Variants in PLXNA1 observed in about 807,000 individuals in gnomAD.
PLXNA1 encodes the protein plexin-A1.
PLXNA1 carries 77 observed loss-of-function variants against 191.7 expected under a neutral mutation model. The ratio of observed to expected loss-of-function variants is 0.40; its 90% CI spans 0.33 to 0.49. The LOEUF (loss-of-function observed/expected upper bound fraction) is 0.49. Ranked by LOEUF, PLXNA1 falls within the 20% of genes least tolerant of loss-of-function variation. The pLI is 0.63. For synonymous variants in PLXNA1, 1,137 were observed against 1,156.4 expected, an observed-to-expected ratio of 0.98 and a Z score of 0.34; for missense variants, 2,110 against 2,660.2, an observed-to-expected ratio of 0.79 and a Z score of 4.55.
Position 126,989,532 on chromosome 3 carries a change from G to A in PLXNA1, c.939G>A (p.Gln313=), listed in dbSNP as rs6809502. 7,172 of 1,613,348 alleles carry A rather than the reference G, an allele frequency of 4.4e-3. 275 individuals are homozygous for A. The African/African-American group carries it at 0.079, about 18-fold the overall frequency. Residue 313 remains glutamine (Q), a synonymous_variant, in exon 2 of 32, where the codon CAG becomes CAA. Transcript: ENST00000393409. ...EQAGVEYRLV[Q]DAYLSRPGRA... ...CGGGTGTGGAGTACCGCCTGGTGCA[G>A]GATGCCTACCTGAGCCGGCCCGGCC...
intron 29 of PLXNA1, among the ~76,000 whole-genome samples, chr3:127,030,825 C>G (rs977115296): frequency 1.3e-5 from 2 of 152,158 alleles, no homozygotes; most frequent in African/African-American, 4.8e-5. Context: ...TTTACAGCCT[C>G]CCCATTGCAG....
rs769462663 is a variant in PLXNA1 at position 127,022,347 on chromosome 3, C to T, written c.4295+6C>T. 3 of 1,605,390 alleles carry T rather than the reference C, an allele frequency of 1.9e-6. No individual in the cohort carries two copies. Among genetic ancestry groups the T allele is most frequent in the Admixed American group, 3.3e-5 (2 of 59,896 alleles). ...CCCAAGCTGCTACTGCGCCGGTGAG[C>T]CTGGGGGGCACTGGGGTTGGGGGAG... On this transcript the variant is annotated splice_donor_region_variant and intron_variant, in intron 22 of 31. Coordinates refer to ENST00000393409, the MANE Select transcript of PLXNA1 (RefSeq NM_032242.4).
intron 22 of PLXNA1, 70 bp downstream of exon 22, chr3:127,022,411 C>G: frequency 1.9e-6 from 3 of 1,557,758 alleles, no homozygotes; most frequent in Non-Finnish European, 2.6e-6. Context: ...GTTGGTCTAG[C>G]AGGCCCAGAG....
chr3:126,997,363 C>A (rs1384661809), intron 3 of PLXNA1, among the ~76,000 whole-genome samples: 9 of 152,186 alleles, frequency 5.9e-5, no homozygotes, highest in African/African-American at 1.7e-4. Context: ...GACTTGGTGG[C>A]GGCCTGTGGC....
intron 3 of PLXNA1, among the ~76,000 whole-genome samples, chr3:126,995,186 TGCC>T (rs1221963739): frequency 2.6e-5 from 4 of 151,822 alleles, no homozygotes; most frequent in Admixed American, 6.6e-5. Context: ...TGACTGGGGG[TGCC>T]CCTGTCCCCC....
At position 127,018,343 on chromosome 3, in the gene PLXNA1, C is replaced by T. The variant is rs759113558; in HGVS notation, c.3710C>T (p.Ser1237Leu). ...EFSPGTLQVY[S>L]DSLLTLPAIV... ...TCGCCAGGGACACTGCAGGTGTACT[C>T]GGACAGCCTGCTGACGCTGCCTGCC... is the stretch of plus-strand genomic sequence containing the variant. The change falls in exon 20 of 32, where the codon TCG (serine) becomes TTG (leucine). Residue 1237 changes from serine (S) to leucine (L), a missense_variant. Ser to Leu is a moderately radical substitution (Grantham distance 145). Transcript: ENST00000393409. 25 of 1,612,536 alleles carry T rather than the reference C, an allele frequency of 1.6e-5. No homozygotes were observed. Among genetic ancestry groups the T allele is most frequent in the South Asian group, 5.5e-5 (5 of 91,018 alleles).
chr3:126,992,570 G>C lies in PLXNA1; in HGVS notation c.1377+1004G>C, dbSNP rs565949290. On this transcript the variant is annotated intron_variant, in intron 3 of 31. Transcript: ENST00000393409. The stretch of plus-strand genomic sequence containing the variant: ...CCTGGCTCTGTGATCTCTGGGAGGG[G>C]ATCCCCTGCAGCCTCAGCTTCCCTC... Among the ~76,000 whole-genome samples, 4 of 152,104 alleles carry C rather than the reference G, an allele frequency of 2.6e-5. No homozygotes were observed. In the East Asian group the frequency reaches 7.8e-4, roughly 30 times the overall value.
At chr3:127,005,571 C>T (rs976387659) in intron 7 of PLXNA1, among the ~76,000 whole-genome samples, 11 of 152,332 alleles carry the variant, frequency 7.2e-5, no homozygotes, top group Admixed American at 6.5e-4. Flanking sequence ...ATAATTATTG[C>T]CATCCCTACT....
intron 20 of PLXNA1, 135 bp downstream of exon 20, chr3:127,018,663 GC>G: frequency 2.7e-6 from 2 of 736,404 alleles, no homozygotes; most frequent in Non-Finnish European, 2.2e-6. Context: ...GCCTTGCTGT[GC>G]CAGAGCTGGT....
chr3:127,028,161 T>G lies in PLXNA1; in HGVS notation c.4510-20T>G. The G allele has an allele frequency of 6.2e-7, 1 of 1,611,586 alleles. No homozygotes were observed. The highest frequency in any genetic ancestry group is 8.5e-7 in the Non-Finnish European group (1 of 1,178,600). On this transcript the variant is annotated intron_variant, in intron 24 of 31. Transcript: ENST00000393409. ...CAGTTGTGGGGCTGACGCTGCCCCC[T>G]TGCTCCACCCCGCCCGCAGACCCTG...
At chr3:127,007,670 A>G in intron 8 of PLXNA1, 129 bp from the exon 9 acceptor site, 1 of 596,974 alleles carries the variant, frequency 1.7e-6, no homozygotes, top group South Asian at 2.2e-5. Flanking sequence ...CCAGGCCAGG[A>G]GCAGTCAGTG....
Position 126,988,640 on chromosome 3 carries a change from T to C in PLXNA1, c.47T>C (p.Leu16Pro), listed in dbSNP as rs1298726977. The change falls in exon 2 of 32, where the codon CTG (leucine) becomes CCG (proline). Residue 16 changes from leucine to proline, a missense_variant. Transcript: ENST00000393409. The part of the protein sequence containing the change: ...RSLQVLLLLL[L>P]LLLLLPGMWA... ...CTGCAGGTGCTCCTGCTGCTGCTGC[T>C]GTTGCTGCTGCTGCTGCCGGGCATG... is the stretch of plus-strand genomic sequence containing the variant. The C allele has an allele frequency of 6.3e-7, 1 of 1,576,722 alleles. No homozygotes were observed. The highest frequency in any genetic ancestry group is 2.2e-5 in the East Asian group (1 of 44,522).
chr3:126,996,553 G>A (rs561231969), intron 3 of PLXNA1, among the ~76,000 whole-genome samples: 3 of 152,292 alleles, frequency 2.0e-5, no homozygotes, highest in East Asian at 1.9e-4. Context: ...TCTGTGCCAG[G>A]GATGTGGTAG....
intron 9 of PLXNA1, among the ~76,000 whole-genome samples, chr3:127,009,550 T>TCC (rs145969147): frequency 3.6e-4 from 50 of 139,646 alleles, no homozygotes; most frequent in Non-Finnish European, 5.4e-4. Context: ...CCAGTGGCAG[T>TCC]CCCCCCCCAA....
rs1456454906 is a variant in PLXNA1, at chr3:127,022,022, T to G, written c.4039-63T>G. 42 of 1,568,552 alleles carry G rather than the reference T, an allele frequency of 2.7e-5. No homozygotes were observed. The South Asian group carries it at 4.8e-4, about 18-fold the overall frequency. ...CAGCCAGGCCTGGACAGCCCCTCACTGGTCAGCTTGGGGGCTGGGGCTGGG... is the reference window on the plus strand; with the variant it reads ...CAGCCAGGCCTGGACAGCCCCTCACGGGTCAGCTTGGGGGCTGGGGCTGGG... On this transcript the variant is annotated intron_variant, in intron 21 of 31. Transcript: ENST00000393409.
intron 10 of PLXNA1, 38 bp from the exon 11 acceptor site, chr3:127,013,982 G>C (rs762596279): frequency 6.3e-7 from 1 of 1,590,272 alleles, no homozygotes; most frequent in East Asian, 2.2e-5. Context: ...CCTGGAGGCC[G>C]CTTAGCTGGG....
intron 2 of PLXNA1, among the ~76,000 whole-genome samples, chr3:126,990,334 G>A (rs1015558378): frequency 1.3e-5 from 2 of 152,238 alleles, no homozygotes; most frequent in African/African-American, 2.4e-5. Flanking sequence ...GGAGCTGATG[G>A]TGTCCTGGTG....
intron 9 of PLXNA1, among the ~76,000 whole-genome samples, chr3:127,008,870 C>A (rs2079081376): frequency 6.6e-6 from 1 of 152,182 alleles, no homozygotes; most frequent in Non-Finnish European, 1.5e-5. Context: ...GACATCAGGG[C>A]ACAGGACAGC....
intron 31 of PLXNA1, 125 bp downstream of exon 31, chr3:127,032,961 C>A: frequency 1.0e-6 from 1 of 993,158 alleles, no homozygotes; most frequent in Non-Finnish European, 1.5e-6. Context: ...CACCTTCACT[C>A]CTCTGCACCC....
Sources: gnomAD v4.1 joint callset for allele counts (sites outside exome capture counted in the v4.1 genomes callset) on GRCh38, gnomAD v4.1.1 for gene constraint, MANE v1.5 for transcripts, NCBI Gene and HGNC (gene_info 2026-07-23, HGNC 2026-07-21) for gene names.